AK9: variants seen among roughly 807,000 people sequenced by gnomAD.
AK9 encodes adenylate kinase 9, also known as adenylate kinase domain containing 1.
A neutral mutation model predicts 239.6 loss-of-function variants in AK9; 191 were observed. The observed-to-expected ratio is 0.80, with a 90% CI of 0.71 to 0.90. The LOEUF (loss-of-function observed/expected upper bound fraction) is 0.90, where lower values mean the gene tolerates loss of function less well. Among genes scored for constraint, AK9 ranks in the 40% least tolerant of loss-of-function variants. The pLI, the probability that AK9 is intolerant of heterozygous loss-of-function variation, is 0.00. For missense variants in AK9, 1,995 were observed against 2,214.7 expected (o/e 0.90, Z 1.99); for synonymous variants, 689 against 721.0 (o/e 0.96, Z 0.71).
intron 27 of AK9, among the ~76,000 whole-genome samples, chr6:109,541,153 G>A (rs1782827031): frequency 6.6e-6 from 1 of 152,034 alleles, no homozygotes; most frequent in Non-Finnish European, 1.5e-5. Context: ...TGGGACTAAT[G>A]CAATAACCTT....
chr6:109,568,943 T>C (rs945176824), intron 21 of AK9, among the ~76,000 whole-genome samples: 3 of 152,110 alleles, frequency 2.0e-5, no homozygotes, highest in Non-Finnish European at 2.9e-5. Flanking sequence ...AAAGTTCATA[T>C]GCAATGAAAA....
chr6:109,651,724 A>T lies in AK9; in HGVS notation c.759+5032T>A, dbSNP rs553179307. ...AAAAATCAAATAGATGCAATAAAAA[A>T]TGATAAAGGGGATATCACCACCGAT... On this transcript the variant is annotated intron_variant, in intron 8 of 40. Coordinates refer to ENST00000424296, the MANE Select transcript of AK9 (RefSeq NM_001145128.3). 4.6e-5 allele frequency among the ~76,000 whole-genome samples: 7 copies of T among 152,312 alleles called. 1 individual carries two copies. The South Asian group carries it at 1.5e-3, about 32-fold the overall frequency.
At chr6:109,620,361 T>G (rs1482303215) in intron 12 of AK9, among the ~76,000 whole-genome samples, 1 of 152,176 alleles carries the variant, frequency 6.6e-6, no homozygotes, top group Non-Finnish European at 1.5e-5. Flanking sequence ...TGAAGAAGTA[T>G]CTCATTGTAG....
intron 21 of AK9, among the ~76,000 whole-genome samples, chr6:109,565,569 A>G (rs1786368957): frequency 6.6e-6 from 1 of 152,176 alleles, no homozygotes; most frequent in Non-Finnish European, 1.5e-5. Context: ...CTGTAGGTGT[A>G]GGCATGGAGA....
chr6:109,506,896 G>C, intron 33 of AK9, 96 bp from the exon 34 acceptor site: 1 of 1,405,260 alleles, frequency 7.1e-7, no homozygotes, highest in African/African-American at 1.4e-5. Flanking sequence ...TTTAGGAGTA[G>C]CTCATGATTT....
At chr6:109,530,685 C>T (rs978648885) in intron 28 of AK9, among the ~76,000 whole-genome samples, 2 of 152,138 alleles carry the variant, frequency 1.3e-5, no homozygotes, top group African/African-American at 4.8e-5. Context: ...CTGTCCTGAG[C>T]ACTATAATAT....
chr6:109,635,627 C>G (rs1340285341), intron 10 of AK9, among the ~76,000 whole-genome samples: 2 of 152,176 alleles, frequency 1.3e-5, no homozygotes, highest in East Asian at 3.8e-4. Context: ...AACCACTACC[C>G]TCAAGCTCTA....
At chr6:109,595,941 G>A (rs555056002) in intron 17 of AK9, among the ~76,000 whole-genome samples, 48 of 151,938 alleles carry the variant, frequency 3.2e-4, no homozygotes, top group African/African-American at 9.9e-4. Flanking sequence ...CATGGCACGT[G>A]TATACCTATG....
chr6:109,564,104 G>C lies in AK9; in HGVS notation c.2611C>G (p.Gln871Glu). Residue 871 changes from glutamine to glutamate, a missense_variant, in exon 23 of 41, where the codon CAA (glutamine) becomes GAA (glutamate). Gln to Glu is a conservative substitution (Grantham distance 29, BLOSUM62 2). Around this residue, in one of 5 missense-constraint regions of AK9, gnomAD observed 1,290 missense variants for 1,392.7 expected, o/e 0.93. Transcript: ENST00000424296. ...CTTTCCATAGTCTCAACTACTTTTT[G>C]AAGTAATTCCTGTGGAGTTCTGTCA... ...IADRTPQELL[Q>E]KVVETMEKPF... 2 of 1,550,676 alleles carry C rather than the reference G, an allele frequency of 1.3e-6. No homozygotes were observed. Among genetic ancestry groups the C allele is most frequent in the Non-Finnish European group, 1.7e-6 (2 of 1,146,666 alleles).
chr6:109,632,445 T>C (rs1796185586), intron 12 of AK9: 17 of 478,586 alleles, frequency 3.6e-5, no homozygotes, highest in Non-Finnish European at 4.4e-5. Context: ...CTATCACTCT[T>C]GTCTAAGCTA....
intron 36 of AK9, 49 bp from the exon 37 acceptor site, chr6:109,498,014 A>G (rs765766525): frequency 1.3e-6 from 2 of 1,596,510 alleles, no homozygotes; most frequent in South Asian, 2.2e-5. Flanking sequence ...CAGAAATGCT[A>G]TGCCAATCAG....
chr6:109,689,491 T>C (rs780027507), intron 1 of AK9, among the ~76,000 whole-genome samples: 2 of 152,246 alleles, frequency 1.3e-5, no homozygotes, highest in African/African-American at 2.4e-5. Flanking sequence ...GCATCAATGT[T>C]CTGCCCTATC....
intron 24 of AK9, among the ~76,000 whole-genome samples, chr6:109,558,615 T>C (rs902859147): frequency 1.3e-5 from 2 of 152,232 alleles, no homozygotes; most frequent in African/African-American, 4.8e-5. Context: ...ACTATTTTGA[T>C]AGCTATAACT....
intron 29 of AK9, among the ~76,000 whole-genome samples, chr6:109,524,259 T>C (rs1489032402): frequency 3.3e-5 from 5 of 152,038 alleles, no homozygotes; most frequent in Non-Finnish European, 5.9e-5. Context: ...TTAAACTATT[T>C]ACCTTAAAGA....
At chr6:109,525,888 G>C (rs1024855072) in intron 29 of AK9, among the ~76,000 whole-genome samples, 1 of 152,194 alleles carries the variant, frequency 6.6e-6, no homozygotes, top group African/African-American at 2.4e-5. Context: ...AATCAACCTA[G>C]ATGCCCATTA....
chr6:109,665,350 C>T (rs1017554532), intron 5 of AK9, among the ~76,000 whole-genome samples: 1 of 152,164 alleles, frequency 6.6e-6, no homozygotes, highest in African/African-American at 2.4e-5. Flanking sequence ...GTGGTATCCC[C>T]AAGGCATCTA....
At chr6:109,524,030 G>T (rs966411490) in intron 29 of AK9, among the ~76,000 whole-genome samples, 1 of 152,000 alleles carries the variant, frequency 6.6e-6, no homozygotes, top group African/African-American at 2.4e-5. Flanking sequence ...CATAAAGAAA[G>T]ATAATTGTCA....
intron 21 of AK9, among the ~76,000 whole-genome samples, chr6:109,568,767 A>G (rs919182268): frequency 2.0e-5 from 3 of 152,232 alleles, no homozygotes; most frequent in Non-Finnish European, 2.9e-5. Flanking sequence ...CCACTGTTCA[A>G]TGAAATAAAA....
chr6:109,560,984 AGTCTCACTTT>A (rs1368179566), intron 24 of AK9, among the ~76,000 whole-genome samples: 1 of 151,992 alleles, frequency 6.6e-6, no homozygotes, highest in Non-Finnish European at 1.5e-5. Flanking sequence ...TTTGAGATAG[AGTCTCACTTT>A]GTTGCCTAGG....
Sources: gnomAD v4.1 joint callset for allele counts (sites outside exome capture counted in the v4.1 genomes callset) on GRCh38, gnomAD v4.1.1 for gene constraint, gnomAD v4.1.1 regional missense constraint, MANE v1.5 for transcripts, NCBI Gene and HGNC (gene_info 2026-07-23, HGNC 2026-07-21) for gene names.